Variants in MAOB observed in about 807,000 individuals in gnomAD.
The protein encoded by MAOB is amine oxidase [flavin-containing] B.
A neutral mutation model predicts 41.9 loss-of-function variants in MAOB; 15 were observed. The observed-to-expected ratio is 0.36, with a 90% CI of 0.24 to 0.55. The LOEUF is 0.55. MAOB is among the 20% of genes least tolerant of loss of function. The pLI, the probability that MAOB is intolerant of heterozygous loss-of-function variation, is 0.86. For synonymous variants in MAOB, 167 were observed against 144.2 expected, an observed-to-expected ratio of 1.16 and a Z score of -1.13; for missense variants, 345 against 398.7, an observed-to-expected ratio of 0.87 and a Z score of 1.15.
chrX:43,816,618 T>C (rs1319589926), intron 3 of MAOB, among the ~76,000 whole-genome samples: 7 of 112,109 alleles, frequency 6.2e-5, no homozygotes, highest in Admixed American at 2.8e-4. Flanking sequence ...ATTGCTCTAT[T>C]GTTATGGAGA....
Position 43,793,625 on chromosome X carries a change from G to GT in MAOB, c.769-48dup, listed in dbSNP as rs1405687804. On this transcript the variant is annotated intron_variant, in intron 7 of 14. Coordinates refer to ENST00000378069, the MANE Select transcript of MAOB (RefSeq NM_000898.5). ...TAAACATTGTTGCCGTGTTGCTTTT[G>GT]TTTTTTTCCCAATGATTCTCTCTCA... 7.8e-6 allele frequency: 8 copies of GT among 1,024,637 alleles called. No individual in the cohort carries two copies. The East Asian group carries it at 1.6e-4, about 20-fold the overall frequency. The allele number at this position is 1,024,637 out of a possible 1,213,427, so 84.4% of individuals were successfully genotyped here.
intron 1 of MAOB, among the ~76,000 whole-genome samples, chrX:43,872,987 A>G (rs1296034507): frequency 3.6e-5 from 4 of 112,536 alleles, no homozygotes; most frequent in African/African-American, 1.3e-4. Context: ...CAAACTGTAG[A>G]TCATCAAGAT....
intron 8 of MAOB, 26 bp downstream of exon 8, chrX:43,793,393 G>A: frequency 1.8e-6 from 2 of 1,118,665 alleles, no homozygotes; most frequent in South Asian, 4.2e-5. Flanking sequence ...TTCTTCTAAA[G>A]GTTTTTATAT....
intron 3 of MAOB, among the ~76,000 whole-genome samples, chrX:43,819,148 A>G (rs1233204058): frequency 8.9e-6 from 1 of 111,872 alleles, no homozygotes; most frequent in Non-Finnish European, 1.9e-5. Context: ...AGAAGAGTGG[A>G]GTTCCCAAGT....
intron 1 of MAOB, among the ~76,000 whole-genome samples, chrX:43,873,888 G>C (rs2035424239): frequency 9.0e-6 from 1 of 111,285 alleles, no homozygotes. Flanking sequence ...TGTTGGCCAG[G>C]ATGGGCTCGG....
chrX:43,795,951 G>A lies in MAOB; in HGVS notation c.619-63C>T, dbSNP rs771504084. ...ATGGGCATAAATTGCTAAATTCTTAGTTGTCCTCACATATGTCTACTCTGA... is the reference window on the plus strand; with the variant it reads ...ATGGGCATAAATTGCTAAATTCTTAATTGTCCTCACATATGTCTACTCTGA... On this transcript the variant is annotated intron_variant, in intron 6 of 14. Transcript: ENST00000378069. 67 of 1,104,592 alleles carry A rather than the reference G, an allele frequency of 6.1e-5. No individual in the cohort carries two copies. The East Asian group carries it at 1.8e-3, about 30-fold the overall frequency. 91.0% of individuals were successfully genotyped at this position (1,104,592 alleles called of 1,213,427 possible). A position where few individuals can be genotyped will look rare whatever the true frequency, so the allele number is the denominator to read the frequency against.
At chrX:43,850,199 T>A (rs1482286353) in intron 1 of MAOB, 1 of 204,395 alleles carries the variant, frequency 4.9e-6, no homozygotes, top group Non-Finnish European at 7.3e-6. Context: ...TAATGGGTGT[T>A]GCCTCAGCCT....
intron 4 of MAOB, among the ~76,000 whole-genome samples, chrX:43,802,912 G>A (rs527812464): frequency 9.0e-6 from 1 of 111,434 alleles, no homozygotes; most frequent in South Asian, 3.8e-4. Flanking sequence ...GAACCTGCAC[G>A]TTCTGCACAT....
At position 43,867,018 on chromosome X, in the gene MAOB, G is replaced by A. The variant is rs188700309; in HGVS notation, c.46+15236C>T. On this transcript the variant is annotated intron_variant, in intron 1 of 14. Transcript: ENST00000378069. ...TTTTCGGGGGGCATTAGCCCCACCC[G>A]CACTGCTCACCTGCCTGGGTTTGAG... Among the ~76,000 whole-genome samples, 295 of 112,751 alleles carry A rather than the reference G, an allele frequency of 2.6e-3. 2 individuals carry two copies. The highest frequency in any genetic ancestry group is 9.2e-3 in the Middle Eastern group (2 of 218).
intron 3 of MAOB, among the ~76,000 whole-genome samples, chrX:43,814,459 A>G (rs772854790): frequency 8.9e-6 from 1 of 112,400 alleles, no homozygotes; most frequent in South Asian, 3.7e-4. Flanking sequence ...TCCTTCAAGA[A>G]GCCTTCCAAG....
intron 1 of MAOB, among the ~76,000 whole-genome samples, chrX:43,871,670 G>A (rs375268102): frequency 4.7e-5 from 5 of 106,688 alleles, no homozygotes; most frequent in Non-Finnish European, 9.7e-5. Context: ...ACTCGATAAG[G>A]GTTTATTGAA....
intron 1 of MAOB, among the ~76,000 whole-genome samples, chrX:43,870,947 T>C (rs2035402782): frequency 9.0e-6 from 1 of 111,210 alleles, no homozygotes; most frequent in South Asian, 3.8e-4. Context: ...TGTTCAGTCA[T>C]CCTCTGTCTA....
At chrX:43,869,473 C>CT (rs1045083653) in intron 1 of MAOB, among the ~76,000 whole-genome samples, 3 of 111,421 alleles carry the variant, frequency 2.7e-5, no homozygotes, top group African/African-American at 9.8e-5. Flanking sequence ...GAGGGGTTAG[C>CT]TCCCCAGTGA....
chrX:43,779,403 A>G (rs1445198787), intron 10 of MAOB, among the ~76,000 whole-genome samples: 7 of 112,247 alleles, frequency 6.2e-5, no homozygotes, highest in African/African-American at 1.9e-4. Flanking sequence ...CAGACCATAA[A>G]ACGAGTGGAA....
intron 3 of MAOB, among the ~76,000 whole-genome samples, chrX:43,809,397 A>G (rs761525090): frequency 8.9e-6 from 1 of 112,710 alleles, no homozygotes; most frequent in Non-Finnish European, 1.9e-5. Flanking sequence ...CAATATGTAA[A>G]GGAAACTATC....
intron 11 of MAOB, among the ~76,000 whole-genome samples, chrX:43,776,380 A>G (rs2034256135): frequency 8.9e-6 from 1 of 112,452 alleles, no homozygotes; most frequent in Non-Finnish European, 1.9e-5. Flanking sequence ...AAAAATGATC[A>G]GCCTTTTTCA....
chrX:43,793,688 G>T, intron 7 of MAOB, 110 bp from the exon 8 acceptor site: 1 of 687,098 alleles, frequency 1.5e-6, no homozygotes, highest in East Asian at 3.7e-5. Flanking sequence ...TTAAAGAAGT[G>T]ACAAGGATTT....
intron 12 of MAOB, among the ~76,000 whole-genome samples, chrX:43,772,173 T>A (rs1014731236): frequency 5.4e-5 from 6 of 111,363 alleles, no homozygotes; most frequent in African/African-American, 2.0e-4. Context: ...CCCTGAAGGG[T>A]CAAGGGAAGT....
intron 3 of MAOB, among the ~76,000 whole-genome samples, chrX:43,805,948 T>C (rs932451625): frequency 8.9e-6 from 1 of 112,795 alleles, no homozygotes; most frequent in African/African-American, 3.2e-5. Context: ...TTATGCTTTA[T>C]GCTTTAAATA....
Sources: allele counts gnomAD v4.1 joint callset (sites outside exome capture counted in the v4.1 genomes callset), GRCh38; gene constraint gnomAD v4.1.1; transcripts MANE v1.5; gene names NCBI Gene and HGNC (gene_info 2026-07-23, HGNC 2026-07-21).